The following TSSK3 variants were observed in gnomAD, a reference collection of about 807,000 sequenced individuals.
The protein encoded by TSSK3 is testis-specific serine/threonine-protein kinase 3.
In TSSK3, 16 loss-of-function variants were observed where a neutral mutation model predicts 18.9. The observed-to-expected ratio is 0.85, with a 90% CI of 0.57 to 1.28. The LOEUF (loss-of-function observed/expected upper bound fraction) is 1.28. Among genes scored for constraint, TSSK3 ranks in the 50% most tolerant of loss-of-function variants. TSSK3 has a pLI of 0.00. For synonymous variants in TSSK3, 146 were observed against 133.9 expected, an observed-to-expected ratio of 1.09 and a Z score of -0.62; for missense variants, 345 against 341.0, an observed-to-expected ratio of 1.01 and a Z score of -0.09.
Position 32,364,033 on chromosome 1 carries a change from G to C in TSSK3, c.584G>C (p.Ser195Thr). 3 of 1,614,250 alleles carry C rather than the reference G, an allele frequency of 1.9e-6. No individual in the cohort carries two copies. The South Asian group carries it at 3.3e-5, about 18-fold the overall frequency. Residue 195 changes from serine (S) to threonine (T), a missense_variant, in exon 2 of 2, where the codon AGC (serine) becomes ACC (threonine). Transcript: ENST00000373534. ...GATAGCAAAAAAGGTGATGTCTGGA[G>C]CATGGGTGTGGTCCTGTATGTCATG... ...PHDSKKGDVW[S>T]MGVVLYVMLC...
chr1:32,363,775 G>C lies in TSSK3; in HGVS notation c.326G>C (p.Ser109Thr). The C allele has an allele frequency of 6.2e-7, 1 of 1,614,240 alleles. No individual in the cohort carries two copies. The highest frequency in any genetic ancestry group is 8.5e-7 in the Non-Finnish European group (1 of 1,180,044). ...CVLNGGPLPE[S>T]RAKALFRQMV... ...CTGAATGGGGGGCCACTGCCTGAAA[G>C]CCGGGCCAAGGCCCTCTTCCGTCAG... The change falls in exon 2 of 2, where the codon AGC (serine) becomes ACC (threonine). Residue 109 changes from serine to threonine, a missense_variant. Coordinates refer to ENST00000373534, the MANE Select transcript of TSSK3 (RefSeq NM_052841.4).
In TSSK3 at chr1:32,362,588, T is replaced by G. The variant is rs2148096157; in HGVS notation, c.-114T>G. On this transcript the variant is annotated 5_prime_UTR_variant, in exon 1 of 2. Transcript: ENST00000373534. ...AGAATGTTCTAACGCTGGGGGCGGC[T>G]GCGGATGAAGTCCTTGGGGAGAAAA... 1.6e-6 allele frequency: 2 copies of G among 1,273,940 alleles called. No individual in the cohort carries two copies. The highest frequency in any genetic ancestry group is 2.4e-4 in the Middle Eastern group (1 of 4,206). The allele number at this position is 1,273,940 out of a possible 1,614,324, so 78.9% of individuals were successfully genotyped here. A position where few individuals can be genotyped will look rare whatever the true frequency, so the allele number is the denominator to read the frequency against.
At chr1:32,362,956 T>G in intron 1 of TSSK3, 110 bp downstream of exon 1, 2 of 1,379,672 alleles carry the variant, frequency 1.4e-6, no homozygotes, top group African/African-American at 2.8e-5. Context: ...CCCGCTGGCC[T>G]GGAACCAAGC....
In TSSK3 at chr1:32,362,625, A is replaced by G. The variant is rs1365314331; in HGVS notation, c.-77A>G. ...CCTTGGGGAGAAAAGGAGCAGGCCA[A>G]GGGCGATGGTGGAGTAGAGCTGCCT... On this transcript the variant is annotated 5_prime_UTR_variant, in exon 1 of 2. Transcript: ENST00000373534. 7.7e-6 allele frequency: 12 copies of G among 1,558,540 alleles called. No individual in the cohort carries two copies. The highest frequency in any genetic ancestry group is 2.8e-5 in the African/African-American group (2 of 72,676).
In TSSK3 at chr1:32,362,758, G is replaced by A; in HGVS notation, c.57G>A (p.Gly19=). 1.2e-6 allele frequency: 2 copies of A among 1,614,102 alleles called. No homozygotes were observed. Among genetic ancestry groups the A allele is most frequent in the Middle Eastern group, 1.6e-4 (1 of 6,062 alleles). Residue 19 remains glycine, a synonymous_variant, in exon 1 of 2, where the codon GGG becomes GGA. Coordinates refer to ENST00000373534, the MANE Select transcript of TSSK3 (RefSeq NM_052841.4). ...GYQLGKTIGE[G]TYSKVKEAFS... is the part of the protein sequence containing the mutation. ...AGCTGGGCAAGACCATTGGGGAAGG[G>A]ACCTACTCAAAAGTCAAAGAAGCAT... is the stretch of plus-strand genomic sequence containing the variant.
rs1300101219 is a variant in TSSK3 at position 32,362,563 on chromosome 1, A to C, written c.-139A>C. The C allele has an allele frequency of 7.1e-6, 7 of 988,870 alleles. No homozygotes were observed. The East Asian group carries it at 1.7e-4, about 24-fold the overall frequency. 61.3% of individuals were successfully genotyped at this position (988,870 alleles called of 1,614,324 possible). On this transcript the variant is annotated 5_prime_UTR_variant, in exon 1 of 2. Transcript: ENST00000373534. ...ACCACCCGCCGCTGTGTCCAGACAG[A>C]GAATGTTCTAACGCTGGGGGCGGCT...
In TSSK3 at chr1:32,364,088, A is replaced by G. The variant is rs773775531; in HGVS notation, c.639A>G (p.Thr213=). The stretch of plus-strand genomic sequence containing the variant: ...GTGCCAGCCTACCTTTTGACGACAC[A>G]GACATCCCCAAGATGCTGTGGCAGC... ...MLCASLPFDD[T]DIPKMLWQQQ... The change falls in exon 2 of 2, where the codon ACA becomes ACG. Residue 213 remains threonine, a synonymous_variant. Transcript: ENST00000373534. 1.9e-6 allele frequency: 3 copies of G among 1,614,108 alleles called. No individual in the cohort carries two copies. Among genetic ancestry groups the G allele is most frequent in the Non-Finnish European group, 2.5e-6 (3 of 1,180,048 alleles).
chr1:32,363,637 G>T lies in TSSK3; in HGVS notation c.188G>T (p.Arg63Leu). Residue 63 changes from arginine to leucine, a missense_variant, in exon 2 of 2, where the codon CGT becomes CTT. Coordinates refer to ENST00000373534, the MANE Select transcript of TSSK3 (RefSeq NM_052841.4). ...CTCCCTCGGGAGCTCCAAATCGTCC[G>T]TACCCTGGACCACAAGAACATCATC... The part of the protein sequence containing the change: ...RFLPRELQIV[R>L]TLDHKNIIQV... 6.2e-7 allele frequency: 1 copy of T among 1,614,098 alleles called. No homozygotes were observed. The highest frequency in any genetic ancestry group is 8.5e-7 in the Non-Finnish European group (1 of 1,180,008).
Position 32,363,648 on chromosome 1 carries a change from C to A in TSSK3, c.199C>A (p.His67Asn). The change falls in exon 2 of 2, where the codon CAC becomes AAC. Residue 67 changes from histidine (H) to asparagine (N), a missense_variant. Transcript: ENST00000373534. Reference protein sequence around the residue: ...RELQIVRTLDHKNIIQVYEML... With the variant: ...RELQIVRTLDNKNIIQVYEML... ...GCTCCAAATCGTCCGTACCCTGGAC[C>A]ACAAGAACATCATCCAGGTGTATGA... The A allele has an allele frequency of 1.2e-6, 2 of 1,614,156 alleles. No homozygotes were observed. The highest frequency in any genetic ancestry group is 8.5e-7 in the Non-Finnish European group (1 of 1,180,038).
chr1:32,363,380 G>A, intron 1 of TSSK3: 2 of 575,654 alleles, frequency 3.5e-6, no homozygotes, highest in South Asian at 4.3e-5. Context: ...CAAGGCTGGT[G>A]GGGAGTGCTT....
chr1:32,363,440 G>A, intron 1 of TSSK3, 155 bp from the exon 2 acceptor site: 1 of 687,820 alleles, frequency 1.5e-6, no homozygotes, highest in South Asian at 2.0e-5. Context: ...AACATTCTTT[G>A]CAATGTCCAA....
rs374749640 is a variant in TSSK3, at chr1:32,363,618, C to A, written c.169C>A (p.Arg57=). ...AGAGTTTATCCAGAGATTCCTCCCT[C>A]GGGAGCTCCAAATCGTCCGTACCCT... ...PEEFIQRFLP[R]ELQIVRTLDH... is the part of the protein sequence containing the mutation. Residue 57 remains arginine (R), a synonymous_variant, in exon 2 of 2, where the codon CGG becomes AGG. Transcript: ENST00000373534. 6.2e-7 allele frequency: 1 copy of A among 1,613,092 alleles called. No homozygotes were observed. Among genetic ancestry groups the A allele is most frequent in the Non-Finnish European group, 8.5e-7 (1 of 1,179,350 alleles).
In TSSK3 at chr1:32,363,403, A is replaced by G. The variant is rs533593069; in HGVS notation, c.146-192A>G. 18 of 614,882 alleles carry G rather than the reference A, an allele frequency of 2.9e-5. No homozygotes were observed. The South Asian group carries it at 3.3e-4, about 11-fold the overall frequency. 38.1% of individuals were successfully genotyped at this position (614,882 alleles called of 1,614,324 possible). ...GTGGGGAGTGCTTCTTTTGAATGAT[A>G]TACTAACGACAAAAATAATAGAAGT... On this transcript the variant is annotated intron_variant, in intron 1 of 1. Coordinates refer to ENST00000373534, the MANE Select transcript of TSSK3 (RefSeq NM_052841.4).
rs998129986 is a variant in TSSK3 at position 32,362,673 on chromosome 1, A to C, written c.-29A>C. The C allele has an allele frequency of 1.2e-6, 2 of 1,612,878 alleles. No individual in the cohort carries two copies. The highest frequency in any genetic ancestry group is 2.7e-5 in the African/African-American group (2 of 74,842). On this transcript the variant is annotated 5_prime_UTR_variant, in exon 1 of 2. Coordinates refer to ENST00000373534, the MANE Select transcript of TSSK3 (RefSeq NM_052841.4). ...CCTCTCAGAGGCAGCATGAGCTGAGAGGGTGATAGGAAGGCGGCGCTAGAC... is the reference window on the plus strand; with the variant it reads ...CCTCTCAGAGGCAGCATGAGCTGAGCGGGTGATAGGAAGGCGGCGCTAGAC...
rs369339147 is a variant in TSSK3, at chr1:32,363,959, C to T, written c.510C>T (p.Cys170=). ...ACCGGGAGCTGAGCCAGACCTTCTG[C>T]GGCAGTACAGCCTATGCTGCCCCCG... ...KSHRELSQTF[C]GSTAYAAPEV... The change falls in exon 2 of 2, where the codon TGC becomes TGT. Residue 170 remains cysteine (C), a synonymous_variant. Coordinates refer to ENST00000373534, the MANE Select transcript of TSSK3 (RefSeq NM_052841.4). 3.5e-5 allele frequency: 57 copies of T among 1,614,276 alleles called. No homozygotes were observed. The highest frequency in any genetic ancestry group is 5.5e-5 in the South Asian group (5 of 91,092).
At position 32,362,838 on chromosome 1, in the gene TSSK3, G is replaced by A. The variant is rs1343655360; in HGVS notation, c.137G>A (p.Gly46Glu). The change falls in exon 1 of 2, where the codon GGG becomes GAG. Residue 46 changes from glycine to glutamate, a missense_variant. Coordinates refer to ENST00000373534, the MANE Select transcript of TSSK3 (RefSeq NM_052841.4). ...VAIKVIDKMG[G>E]PEEFIQRFLP... The stretch of plus-strand genomic sequence containing the variant: ...ATTAAAGTTATAGACAAGATGGGAG[G>A]GCCAGAAGGTGAGCCGGGGCCCCTT... The A allele has an allele frequency of 1.9e-6, 3 of 1,614,142 alleles. No homozygotes were observed. In the Admixed American group the frequency reaches 5.0e-5, roughly 27 times the overall value.
chr1:32,364,211 T>C lies in TSSK3; in HGVS notation c.762T>C (p.Pro254=). ...TGGAACCCGATATGATCCTCCGGCC[T>C]TCAATTGAAGAAGTTAGTTGGCATC... ...RLLEPDMILR[P]SIEEVSWHPW... is the part of the protein sequence containing the mutation. The change falls in exon 2 of 2, where the codon CCT becomes CCC. Residue 254 remains proline, a synonymous_variant. Coordinates refer to ENST00000373534, the MANE Select transcript of TSSK3 (RefSeq NM_052841.4). 6.2e-7 allele frequency: 1 copy of C among 1,608,500 alleles called. No homozygotes were observed.
Position 32,364,256 on chromosome 1 carries a change from A to T in TSSK3, c.807A>T (p.Ter269CysextTer1). 1 of 1,589,726 alleles carries T rather than the reference A, an allele frequency of 6.3e-7. No individual in the cohort carries two copies. The highest frequency in any genetic ancestry group is 1.3e-5 in the African/African-American group (1 of 74,588). Residue 269 changes from the stop codon to cysteine, a stop_lost, in exon 2 of 2, where the codon TGA becomes TGT. Coordinates refer to ENST00000373534, the MANE Select transcript of TSSK3 (RefSeq NM_052841.4). Reference sequence around the variant, plus strand: ...GGCATCCATGGCTAGCAAGCACTTGATAAAAGCAATGGCAAGTGCTCTCCA... The same window carrying T: ...GGCATCCATGGCTAGCAAGCACTTGTTAAAAGCAATGGCAAGTGCTCTCCA... ...VSWHPWLAST[*>C] is the part of the protein sequence containing the mutation.
At position 32,363,593 on chromosome 1, in the gene TSSK3, AG is replaced by A; in HGVS notation, c.146-1del. On this transcript the variant is annotated splice_acceptor_variant, in intron 1 of 1. Coordinates refer to ENST00000373534, the MANE Select transcript of TSSK3 (RefSeq NM_052841.4). LOFTEE classifies it high-confidence loss of function. ...CCATCTCTCCTCCCCTTACTTCCTC[AG>A]AGTTTATCCAGAGATTCCTCCCTCG... The A allele has an allele frequency of 6.2e-7, 1 of 1,605,514 alleles. No individual in the cohort carries two copies. Among genetic ancestry groups the A allele is most frequent in the South Asian group, 1.1e-5 (1 of 90,728 alleles).
Sources: allele counts gnomAD v4.1 joint callset, GRCh38; gene constraint gnomAD v4.1.1; transcripts MANE v1.5; gene names NCBI Gene and HGNC (gene_info 2026-07-23, HGNC 2026-07-21).